The following EPB41L2 variants were observed in gnomAD, a reference collection of about 807,000 sequenced individuals.
The protein encoded by EPB41L2 is band 4.1-like protein 2.
In EPB41L2, 43 loss-of-function variants were observed where a neutral mutation model predicts 113.0. That is an observed-to-expected ratio of 0.38 (90% CI 0.30 to 0.49). The LOEUF (loss-of-function observed/expected upper bound fraction) is 0.49. Ranked by LOEUF, EPB41L2 falls within the 20% of genes least tolerant of loss-of-function variation. The probability of loss-of-function intolerance (pLI) is 0.95; values close to 1 mark genes in which losing one functional copy is unlikely to be tolerated. For missense variants in EPB41L2, 1,147 were observed against 1,223.4 expected (o/e 0.94, Z 0.93); for synonymous variants, 442 against 436.7 (o/e 1.01, Z -0.15).
Position 130,878,208 on chromosome 6 carries a change from T to C in EPB41L2, c.1939A>G (p.Ser647Gly), listed in dbSNP as rs1250563324. The change falls in exon 14 of 20, where the codon AGC (serine) becomes GGC (glycine). Residue 647 changes from serine to glycine, a missense_variant. Transcript: ENST00000337057. ...AAATTGCGCTTGAGTTCACTAATGC[T>C]AGCCTGATGTTTCAGTATGTCCTCC... The part of the protein sequence containing the change: ...AQEDILKHQA[S>G]ISELKRNFME... 1 of 1,613,346 alleles carries C rather than the reference T, an allele frequency of 6.2e-7. No individual in the cohort carries two copies. Among genetic ancestry groups the C allele is most frequent in the Non-Finnish European group, 8.5e-7 (1 of 1,179,744 alleles).
At chr6:131,045,239 C>A (rs2128188557) in intron 1 of EPB41L2, among the ~76,000 whole-genome samples, 1 of 142,320 alleles carries the variant, frequency 7.0e-6, no homozygotes, top group South Asian at 2.1e-4. Flanking sequence ...ATACTATGTA[C>A]CCCTTAAAAT....
At position 130,928,513 on chromosome 6, in the gene EPB41L2, C is replaced by T. The variant is rs150210007; in HGVS notation, c.706-1804G>A. On this transcript the variant is annotated intron_variant, in intron 3 of 19. Coordinates refer to ENST00000337057, the MANE Select transcript of EPB41L2 (RefSeq NM_001431.4). ...GGATATTTAAGACAACTGATGTCTA[C>T]AAAAATACACCTCAGTTCAAGGAGA... 1.6e-3 allele frequency among the ~76,000 whole-genome samples: 245 copies of T among 152,318 alleles called. 1 individual carries two copies. Among genetic ancestry groups the T allele is most frequent in the African/African-American group, 5.5e-3 (228 of 41,564 alleles).
chr6:130,859,703 T>G (rs1374392813), intron 18 of EPB41L2, among the ~76,000 whole-genome samples: 7 of 145,446 alleles, frequency 4.8e-5, no homozygotes, highest in Non-Finnish European at 3.0e-5. Flanking sequence ...GTAAGGATAC[T>G]AAACAGAAAC....
In EPB41L2 at chr6:131,023,752, TATAGATATATAG is replaced by T. The variant is rs1562754033; in HGVS notation, c.-15+39391_-15+39402del. 2.8e-4 allele frequency among the ~76,000 whole-genome samples: 22 copies of T among 77,744 alleles called. No individual in the cohort carries two copies. In the East Asian group the frequency reaches 3.7e-3, roughly 13 times the overall value. 51.0% of individuals were successfully genotyped at this position (77,744 alleles called of 152,430 possible). A position where few individuals can be genotyped will look rare whatever the true frequency, so the allele number is the denominator to read the frequency against. ...GTGTATATATATCTATATATCTATATATAGATATATAGATATATAGATATATAGATATATAGA... is the reference window on the plus strand; with the variant it reads ...GTGTATATATATCTATATATCTATATATATATAGATATATAGATATATAGA... On this transcript the variant is annotated intron_variant, in intron 1 of 19. Transcript: ENST00000337057.
At chr6:130,957,778 G>A (rs886812604) in intron 1 of EPB41L2, among the ~76,000 whole-genome samples, 2 of 151,994 alleles carry the variant, frequency 1.3e-5, no homozygotes, top group African/African-American at 2.4e-5. Flanking sequence ...GTGATTTTGA[G>A]TATACTCACA....
intron 1 of EPB41L2, chr6:131,014,298 C>T (rs983930112): frequency 4.6e-5 from 7 of 152,218 alleles, no homozygotes; most frequent in Middle Eastern, 3.4e-3. Flanking sequence ...ACAGCTATAA[C>T]GTATTTAATT....
chr6:130,873,529 G>A (rs1318524395), intron 14 of EPB41L2, among the ~76,000 whole-genome samples: 5 of 150,016 alleles, frequency 3.3e-5, no homozygotes, highest in Admixed American at 1.3e-4. Context: ...AGTGTGCCGC[G>A]ATCTCGGCTC....
intron 1 of EPB41L2, among the ~76,000 whole-genome samples, chr6:131,032,033 A>G (rs1792255800): frequency 6.6e-6 from 1 of 152,192 alleles, no homozygotes; most frequent in Non-Finnish European, 1.5e-5. Context: ...ATATCCCTAA[A>G]AACACATTTG....
intron 1 of EPB41L2, among the ~76,000 whole-genome samples, chr6:131,005,246 G>A (rs1785227646): frequency 6.6e-6 from 1 of 151,448 alleles, no homozygotes; most frequent in South Asian, 2.1e-4. Context: ...TACTGCTGGT[G>A]ATGTGGTTTA....
chr6:130,894,207 A>G (rs1054341977), intron 10 of EPB41L2, 137 bp downstream of exon 10: 22 of 659,354 alleles, frequency 3.3e-5, no homozygotes, highest in Non-Finnish European at 5.4e-5. Context: ...AAAAAGAGAG[A>G]TGGAGTCTCA....
chr6:130,886,680 C>A (rs1791102939), intron 11 of EPB41L2, among the ~76,000 whole-genome samples: 1 of 152,196 alleles, frequency 6.6e-6, no homozygotes, highest in African/African-American at 2.4e-5. Context: ...GTCACCCAGG[C>A]TGGAGTGCAG....
At position 131,045,366 on chromosome 6, in the gene EPB41L2, T is replaced by C. The variant is rs78680290; in HGVS notation, c.-15+17789A>G. 6.0e-3 allele frequency among the ~76,000 whole-genome samples: 915 copies of C among 152,174 alleles called. 9 individuals carry two copies. Among genetic ancestry groups the C allele is most frequent in the African/African-American group, 0.021 (876 of 41,546 alleles). ...TGAATATTTAATATTTAAATATTCA[T>C]TTAAAAATGATGAGATGCTGGCAGA... On this transcript the variant is annotated intron_variant, in intron 1 of 19. Transcript: ENST00000337057.
intron 1 of EPB41L2, among the ~76,000 whole-genome samples, chr6:130,973,799 T>C (rs1394104666): frequency 2.0e-5 from 3 of 152,242 alleles, no homozygotes; most frequent in Admixed American, 6.5e-5. Flanking sequence ...TGTTGACTGA[T>C]GTTTCCTGTC....
chr6:130,906,247 C>T (rs1344409611), intron 5 of EPB41L2, among the ~76,000 whole-genome samples: 1 of 152,144 alleles, frequency 6.6e-6, no homozygotes, highest in Non-Finnish European at 1.5e-5. Context: ...GGAGACATTT[C>T]TACTAGACCA....
intron 4 of EPB41L2, among the ~76,000 whole-genome samples, chr6:130,919,487 T>C (rs1802187297): frequency 8.1e-6 from 1 of 123,846 alleles, no homozygotes; most frequent in Non-Finnish European, 1.6e-5. Context: ...CCTCTCCCTC[T>C]AATTTTCTAC....
chr6:130,848,187 T>TGC (rs1223966403), intron 19 of EPB41L2, among the ~76,000 whole-genome samples: 1 of 106,396 alleles, frequency 9.4e-6, no homozygotes, highest in Non-Finnish European at 1.8e-5. Flanking sequence ...TCTCTGTCTC[T>TGC]CTCTCTCTCT....
intron 1 of EPB41L2, among the ~76,000 whole-genome samples, chr6:130,968,730 CTT>C (rs11340034): frequency 0.014 from 2,003 of 142,350 alleles, 40 homozygotes; most frequent in South Asian, 0.041. Context: ...GCTATAAAAC[CTT>C]TTTTTTTTTT....
At chr6:130,888,094 A>G (rs562852875) in intron 11 of EPB41L2, among the ~76,000 whole-genome samples, 2 of 152,344 alleles carry the variant, frequency 1.3e-5, no homozygotes, top group Non-Finnish European at 2.9e-5. Flanking sequence ...AAAAGTAAAC[A>G]GGAAAAAGAA....
At chr6:131,022,542 T>C (rs1015890561) in intron 1 of EPB41L2, among the ~76,000 whole-genome samples, 1 of 152,220 alleles carries the variant, frequency 6.6e-6, no homozygotes, top group Non-Finnish European at 1.5e-5. Context: ...CCTGGCTCCA[T>C]ATTTATCTGC....
Sources: gnomAD v4.1 joint callset for allele counts (sites outside exome capture counted in the v4.1 genomes callset) on GRCh38, gnomAD v4.1.1 for gene constraint, MANE v1.5 for transcripts, NCBI Gene and HGNC (gene_info 2026-07-23, HGNC 2026-07-21) for gene names.